CAMK2B: variants seen among roughly 807,000 people sequenced by gnomAD.
The protein encoded by CAMK2B is calcium/calmodulin-dependent protein kinase type II subunit beta.
Under a neutral mutation model 93.7 loss-of-function variants are expected in CAMK2B, and 27 were observed. The ratio of observed to expected loss-of-function variants is 0.29; its 90% CI spans 0.21 to 0.40. The LOEUF (loss-of-function observed/expected upper bound fraction) is 0.40, where lower values mean the gene tolerates loss of function less well. Ranked by LOEUF, CAMK2B falls within the 10% of genes least tolerant of loss-of-function variation. The probability of loss-of-function intolerance (pLI) is 1.00; values close to 1 mark genes in which losing one functional copy is unlikely to be tolerated. For missense variants in CAMK2B, 568 were observed against 895.8 expected, an observed-to-expected ratio of 0.63 and a Z score of 4.67; for synonymous variants, 374 against 358.8, an observed-to-expected ratio of 1.04 and a Z score of -0.48.
chr7:44,290,546 G>C (rs1786499694), intron 1 of CAMK2B, among the ~76,000 whole-genome samples: 1 of 152,254 alleles, frequency 6.6e-6, no homozygotes, highest in South Asian at 2.1e-4. Context: ...TGGGCTAGGG[G>C]CTGGGGACAC....
chr7:44,306,163 G>A (rs1563083933), intron 1 of CAMK2B, among the ~76,000 whole-genome samples: 1 of 151,720 alleles, frequency 6.6e-6, no homozygotes, highest in African/African-American at 2.4e-5. Flanking sequence ...CACTCTTCCT[G>A]AGGAGAGGGC....
Position 44,225,711 on chromosome 7 carries a change from C to A in CAMK2B, c.1597+805G>T. On this transcript the variant is annotated intron_variant, in intron 20 of 23. Transcript: ENST00000395749. This position sits in a 1 kb window ranked among gnomAD's most constrained non-coding sequence, Gnocchi z 5.0. ...CGCCTGCAGCAGCCCCCAGGCCCAG[C>A]CTGCAGAGGGGACGGTGGCAAGCAG... 7.8e-7 allele frequency: 1 copy of A among 1,287,610 alleles called. No homozygotes were observed. The highest frequency in any genetic ancestry group is 1.0e-6 in the Non-Finnish European group (1 of 987,224). 79.8% of individuals were successfully genotyped at this position (1,287,610 alleles called of 1,614,324 possible). A position where few individuals can be genotyped will look rare whatever the true frequency, so the allele number is the denominator to read the frequency against.
At chr7:44,306,975 G>GGGAGGAGGGTGTAGCAGGA (rs1791877569) in intron 1 of CAMK2B, among the ~76,000 whole-genome samples, 2 of 79,376 alleles carry the variant, frequency 2.5e-5, no homozygotes, top group Non-Finnish European at 5.7e-5. Flanking sequence ...TGTGAGAAAG[G>GGGAGGAGGGTGTAGCAGGA]GGAGGAGGGT....
At chr7:44,280,290 G>T (rs985187858) in intron 2 of CAMK2B, among the ~76,000 whole-genome samples, 1 of 152,208 alleles carries the variant, frequency 6.6e-6, no homozygotes, top group Non-Finnish European at 1.5e-5. Context: ...GTGTGGGCCT[G>T]GTATCCAGGA....
At chr7:44,230,138 A>C (rs1184832028) in intron 17 of CAMK2B, 1 of 152,258 alleles carries the variant, frequency 6.6e-6, no homozygotes, top group Non-Finnish European at 1.5e-5. Context: ...GACAGCCTTC[A>C]TGCTGTTGCC....
At chr7:44,290,893 T>A (rs1786607234) in intron 1 of CAMK2B, among the ~76,000 whole-genome samples, 1 of 152,238 alleles carries the variant, frequency 6.6e-6, no homozygotes, top group African/African-American at 2.4e-5. Context: ...ACGTTTACAA[T>A]GTTTGCTATG....
In CAMK2B at chr7:44,311,738, G is replaced by C. The variant is rs944430734; in HGVS notation, c.65+13619C>G. On this transcript the variant is annotated intron_variant, in intron 1 of 23. Coordinates refer to ENST00000395749, the MANE Select transcript of CAMK2B (RefSeq NM_001220.5). This position sits in a 1 kb window ranked among gnomAD's most constrained non-coding sequence, Gnocchi z 4.2. ...CCAGCTCTGGGCCTCAGGGACAACA[G>C]TGGGAAACCAGAGGCCTTCAGGCCT... Among the ~76,000 whole-genome samples, 2 of 152,234 alleles carry C rather than the reference G, an allele frequency of 1.3e-5. No individual in the cohort carries two copies. Among genetic ancestry groups the C allele is most frequent in the African/African-American group, 2.4e-5 (1 of 41,464 alleles).
At chr7:44,292,501 T>C (rs1787134168) in intron 1 of CAMK2B, among the ~76,000 whole-genome samples, 2 of 152,168 alleles carry the variant, frequency 1.3e-5, no homozygotes, top group South Asian at 4.1e-4. Context: ...AAACATAAGC[T>C]TCATAGGACG....
chr7:44,246,970 CCATG>C, intron 6 of CAMK2B, 146 bp downstream of exon 6: 1 of 654,634 alleles, frequency 1.5e-6, no homozygotes, highest in Non-Finnish European at 2.8e-6. Flanking sequence ...ACACACTCCT[CCATG>C]CATGCACACA....
chr7:44,232,784 T>A (rs747084409), intron 16 of CAMK2B, 38 bp downstream of exon 16: 1 of 1,603,074 alleles, frequency 6.2e-7, no homozygotes, highest in Non-Finnish European at 8.5e-7. Context: ...TGGAGCCTCC[T>A]GCCTGGGGAA....
rs1359655179 is a variant in CAMK2B, at chr7:44,306,774, A to AGCAGGGGAGGAGGGTGTGG, written c.65+18564_65+18582dup. Among the ~76,000 whole-genome samples, 14 of 126,500 alleles carry AGCAGGGGAGGAGGGTGTGG rather than the reference A, an allele frequency of 1.1e-4. No individual in the cohort carries two copies. The East Asian group carries it at 3.6e-3, about 33-fold the overall frequency. 83.0% of individuals were successfully genotyped at this position (126,500 alleles called of 152,430 possible). On this transcript the variant is annotated intron_variant, in intron 1 of 23. Transcript: ENST00000395749. ...GTGTGGGCAGGGGGAGGAGGATGCG[A>AGCAGGGGAGGAGGGTGTGG]GCAGGGGAGGAGGGTGTGGGCAGGG... is the stretch of plus-strand genomic sequence containing the variant.
intron 19 of CAMK2B, among the ~76,000 whole-genome samples, 187 bp downstream of exon 19, chr7:44,228,609 G>A (rs1046400405): frequency 6.6e-6 from 1 of 152,132 alleles, no homozygotes; most frequent in Non-Finnish European, 1.5e-5. Context: ...CCCTTAGGGA[G>A]AAGCCAGGAG....
At chr7:44,221,020 G>T in intron 20 of CAMK2B, 119 bp from the exon 21 acceptor site, 1 of 794,566 alleles carries the variant, frequency 1.3e-6, no homozygotes, top group African/African-American at 1.7e-5. Context: ...TGTTCCTGCC[G>T]CTATTTGCAG....
chr7:44,242,668 C>T lies in CAMK2B; in HGVS notation c.602-14G>A. The T allele has an allele frequency of 6.3e-7, 1 of 1,582,744 alleles. No homozygotes were observed. The highest frequency in any genetic ancestry group is 8.6e-7 in the Non-Finnish European group (1 of 1,157,010). On this transcript the variant is annotated splice_polypyrimidine_tract_variant and intron_variant, in intron 8 of 23. Coordinates refer to ENST00000395749, the MANE Select transcript of CAMK2B (RefSeq NM_001220.5). Reference sequence around the variant, plus strand: ...ACAGGATCACCCCTGCGGATGGGGCCTGTGAGCACCGCAGCCACTTGCAGG... The same window carrying T: ...ACAGGATCACCCCTGCGGATGGGGCTTGTGAGCACCGCAGCCACTTGCAGG...
chr7:44,312,986 C>T lies in CAMK2B; in HGVS notation c.65+12371G>A, dbSNP rs1374381092. Among the ~76,000 whole-genome samples the T allele has an allele frequency of 3.3e-5, 5 of 152,004 alleles. No homozygotes were observed. Among genetic ancestry groups the T allele is most frequent in the East Asian group, 3.9e-4 (2 of 5,182 alleles). ...AGGACAGCTGGGTCCCCAGCTCTGT[C>T]GAAGGAGGAGTACAGGCTCAGCCAC... is the stretch of plus-strand genomic sequence containing the variant. On this transcript the variant is annotated intron_variant, in intron 1 of 23. Coordinates refer to ENST00000395749, the MANE Select transcript of CAMK2B (RefSeq NM_001220.5). This position sits in a 1 kb window ranked among gnomAD's most constrained non-coding sequence, Gnocchi z 4.1.
chr7:44,278,312 G>A (rs2097068980), intron 2 of CAMK2B, among the ~76,000 whole-genome samples: 1 of 152,204 alleles, frequency 6.6e-6, no homozygotes, highest in Non-Finnish European at 1.5e-5. Context: ...GATGGTCTCA[G>A]AGCTTTGCAA....
At chr7:44,318,144 C>T (rs73099838) in intron 1 of CAMK2B, among the ~76,000 whole-genome samples, 145 of 152,308 alleles carry the variant, frequency 9.5e-4, no homozygotes, top group East Asian at 1.3e-3. Context: ...AACTCACAGA[C>T]GCTGAGAATC....
chr7:44,222,670 C>G (rs2096423998), intron 20 of CAMK2B, among the ~76,000 whole-genome samples: 1 of 152,186 alleles, frequency 6.6e-6, no homozygotes, highest in African/African-American at 2.4e-5. Flanking sequence ...TCTCAAACTC[C>G]TAACCTCAAG....
chr7:44,308,852 G>A (rs1584864510), intron 1 of CAMK2B, among the ~76,000 whole-genome samples: 1 of 152,318 alleles, frequency 6.6e-6, no homozygotes. Flanking sequence ...AGAGACCAGG[G>A]GCTGAGCAGA....
Sources: allele counts gnomAD v4.1 joint callset (sites outside exome capture counted in the v4.1 genomes callset), GRCh38; gene constraint gnomAD v4.1.1; non-coding constraint Gnocchi (gnomAD v3.1); transcripts MANE v1.5; gene names NCBI Gene and HGNC (gene_info 2026-07-23, HGNC 2026-07-21).